RIC8B: variants seen among roughly 807,000 people sequenced by gnomAD.
RIC8B encodes RIC8 guanine nucleotide exchange factor B, also known as chaperone Ric-8B.
Under a neutral mutation model 57.5 loss-of-function variants are expected in RIC8B, and 16 were observed. The ratio of observed to expected loss-of-function variants is 0.28; its 90% CI spans 0.19 to 0.42. The LOEUF (loss-of-function observed/expected upper bound fraction) is 0.42. Ranked by LOEUF, RIC8B falls within the 10% of genes least tolerant of loss-of-function variation. The pLI, the probability that RIC8B is intolerant of heterozygous loss-of-function variation, is 1.00. For synonymous variants in RIC8B, 216 were observed against 250.8 expected, an observed-to-expected ratio of 0.86 and a Z score of 1.31; for missense variants, 481 against 677.0, an observed-to-expected ratio of 0.71 and a Z score of 3.21.
chr12:106,778,219 G>A (rs1487383219), intron 1 of RIC8B, among the ~76,000 whole-genome samples: 2 of 152,156 alleles, frequency 1.3e-5, no homozygotes, highest in South Asian at 2.1e-4. Flanking sequence ...TAGCAAAATT[G>A]TACCTTGTAC....
intron 2 of RIC8B, among the ~76,000 whole-genome samples, chr12:106,790,039 T>C (rs2044199636): frequency 6.6e-6 from 1 of 152,162 alleles, no homozygotes; most frequent in Non-Finnish European, 1.5e-5. Context: ...TTTACAAAGA[T>C]TTGCTTCTTA....
chr12:106,863,462 TTTTTC>T (rs749702780), intron 8 of RIC8B, among the ~76,000 whole-genome samples: 4 of 152,164 alleles, frequency 2.6e-5, no homozygotes, highest in Non-Finnish European at 4.4e-5. Context: ...GGCAAGATAC[TTTTTC>T]TTTTATTTGT....
intron 2 of RIC8B, among the ~76,000 whole-genome samples, chr12:106,804,205 T>C (rs1167151408): frequency 2.7e-5 from 4 of 148,392 alleles, no homozygotes; most frequent in African/African-American, 1.0e-4. Context: ...TACTTTTTTT[T>C]CCTTCCTTTC....
chr12:106,804,233 G>A (rs986246410), intron 2 of RIC8B, among the ~76,000 whole-genome samples: 1 of 74,678 alleles, frequency 1.3e-5, no homozygotes, highest in Non-Finnish European at 2.8e-5. Flanking sequence ...TTTTTTTTTT[G>A]AGACAGAGTC....
At chr12:106,857,524 G>A (rs1949757955) in intron 7 of RIC8B, among the ~76,000 whole-genome samples, 1 of 152,102 alleles carries the variant, frequency 6.6e-6, no homozygotes. Context: ...TAAAATAGTG[G>A]TGAAATATTT....
At chr12:106,805,891 TTCTC>T (rs899000458) in intron 2 of RIC8B, among the ~76,000 whole-genome samples, 2 of 152,146 alleles carry the variant, frequency 1.3e-5, no homozygotes, top group Admixed American at 6.5e-5. Context: ...AGGTATCTAC[TTCTC>T]TCTCTCTTTT....
intron 1 of RIC8B, among the ~76,000 whole-genome samples, chr12:106,779,231 AC>A (rs2043636398): frequency 7.0e-6 from 1 of 141,916 alleles, no homozygotes; most frequent in Non-Finnish European, 1.5e-5. Context: ...CCTCCTATAT[AC>A]ATTTTTTTTT....
intron 4 of RIC8B, among the ~76,000 whole-genome samples, chr12:106,836,518 G>A (rs530420429): frequency 1.3e-5 from 2 of 152,166 alleles, no homozygotes; most frequent in South Asian, 2.1e-4. Flanking sequence ...TCAGTTTATG[G>A]CACCTCCAGC....
intron 2 of RIC8B, among the ~76,000 whole-genome samples, chr12:106,804,487 C>T (rs570994924): frequency 6.6e-5 from 10 of 152,202 alleles, no homozygotes; most frequent in African/African-American, 2.4e-4. Context: ...AAGTGCTGGG[C>T]GTGAGCCACC....
At chr12:106,869,888 G>A (rs1053008131) in intron 8 of RIC8B, among the ~76,000 whole-genome samples, 24 of 152,268 alleles carry the variant, frequency 1.6e-4, no homozygotes, top group African/African-American at 5.5e-4. Context: ...GCAGTGAGCC[G>A]AGATTGTGCG....
At chr12:106,815,415 T>G in intron 3 of RIC8B, 111 bp downstream of exon 3, 1 of 1,118,070 alleles carries the variant, frequency 8.9e-7, no homozygotes, top group Non-Finnish European at 1.3e-6. Context: ...AAGTTCCCAC[T>G]TCTCCCATTA....
intron 4 of RIC8B, among the ~76,000 whole-genome samples, chr12:106,826,263 A>G (rs1488031362): frequency 2.0e-5 from 3 of 152,244 alleles, no homozygotes; most frequent in Non-Finnish European, 4.4e-5. Flanking sequence ...AGAAAGATCA[A>G]GCAATTTCTC....
chr12:106,826,207 A>G (rs2046093249), intron 4 of RIC8B, among the ~76,000 whole-genome samples: 1 of 152,220 alleles, frequency 6.6e-6, no homozygotes, highest in Admixed American at 6.5e-5. Context: ...ATTATAAGGT[A>G]GATTCTGCAA....
chr12:106,862,901 G>T (rs1222506859), intron 8 of RIC8B, among the ~76,000 whole-genome samples: 1 of 152,072 alleles, frequency 6.6e-6, no homozygotes. Flanking sequence ...TCTGCAATTA[G>T]CACACTTAGA....
At chr12:106,849,475 A>G (rs1949364471) in intron 6 of RIC8B, among the ~76,000 whole-genome samples, 3 of 151,582 alleles carry the variant, frequency 2.0e-5, no homozygotes, top group Admixed American at 2.0e-4. Flanking sequence ...TTAAAAAAAA[A>G]AACTACAAAA....
intron 8 of RIC8B, among the ~76,000 whole-genome samples, chr12:106,862,470 T>C (rs1211615527): frequency 1.3e-5 from 2 of 152,102 alleles, no homozygotes; most frequent in African/African-American, 4.8e-5. Context: ...CCCTTTGTAC[T>C]CTGTGGAGCG....
At chr12:106,805,964 T>C (rs895534899) in intron 2 of RIC8B, among the ~76,000 whole-genome samples, 19 of 152,204 alleles carry the variant, frequency 1.2e-4, no homozygotes, top group African/African-American at 4.6e-4. Context: ...TTCTTTTCTT[T>C]TTGAGATGGA....
At chr12:106,823,358 A>G (rs1352450050) in intron 3 of RIC8B, 8 of 445,688 alleles carry the variant, frequency 1.8e-5, no homozygotes, top group Non-Finnish European at 3.6e-5. Context: ...TGAGTAGAGA[A>G]ATAGAGCTAA....
Position 106,846,723 on chromosome 12 carries a change from C to CAA in RIC8B, c.1161+2791_1161+2792dup, listed in dbSNP as rs35399211. Among the ~76,000 whole-genome samples the CAA allele has an allele frequency of 4.8e-3, 574 of 120,462 alleles. 6 individuals carry two copies. The highest frequency in any genetic ancestry group is 0.013 in the African/African-American group (432 of 33,490). 79.0% of individuals were successfully genotyped at this position (120,462 alleles called of 152,430 possible). A position where few individuals can be genotyped will look rare whatever the true frequency, so the allele number is the denominator to read the frequency against. ...TTTTGCTATCTCTAAACAGAACAGC[C>CAA]AAAAAAAAAAAAAAAACCTATTAGT... On this transcript the variant is annotated intron_variant, in intron 6 of 9. Transcript: ENST00000392837.
Sources: gnomAD v4.1 joint callset for allele counts (sites outside exome capture counted in the v4.1 genomes callset) on GRCh38, gnomAD v4.1.1 for gene constraint, MANE v1.5 for transcripts, NCBI Gene and HGNC (gene_info 2026-07-23, HGNC 2026-07-21) for gene names.